Variants in SLC25A21 observed in about 807,000 individuals in gnomAD.
The protein encoded by SLC25A21 is solute carrier family 25 member 21.
A neutral mutation model predicts 43.8 loss-of-function variants in SLC25A21; 47 were observed. The ratio of observed to expected loss-of-function variants is 1.07; its 90% confidence interval spans 0.85 to 1.37. The LOEUF is 1.37. Among genes scored for constraint, SLC25A21 ranks in the 40% most tolerant of loss-of-function variants. The probability of loss-of-function intolerance (pLI) is 0.00; values close to 1 mark genes in which losing one functional copy is unlikely to be tolerated. For synonymous variants in SLC25A21, 131 were observed against 121.3 expected (o/e 1.08, Z -0.52); for missense variants, 352 against 350.2 (o/e 1.00, Z -0.04).
intron 1 of SLC25A21, among the ~76,000 whole-genome samples, chr14:37,075,765 T>C (rs530598700): frequency 1.3e-5 from 2 of 152,356 alleles, no homozygotes; most frequent in South Asian, 2.1e-4. Context: ...TTGAGTCATA[T>C]GTGACCCAGC....
rs181206242 is a variant in SLC25A21, at chr14:37,144,759, T to C, written c.70+27522A>G. Among the ~76,000 whole-genome samples, 694 of 149,110 alleles carry C rather than the reference T, an allele frequency of 4.7e-3. 2 individuals are homozygous for C. The highest frequency in any genetic ancestry group is 0.01 in the Middle Eastern group (3 of 294). On this transcript the variant is annotated intron_variant, in intron 1 of 9. Coordinates refer to ENST00000331299, the MANE Select transcript of SLC25A21 (RefSeq NM_030631.4). ...TATATGCATGTATTCATAAGATGTG[T>C]CACTCATATGTGAAGTTGTTTTGGG...
rs148559878 is a variant in SLC25A21, at chr14:37,044,799, T to C, written c.70+127482A>G. On this transcript the variant is annotated intron_variant, in intron 1 of 9. Coordinates refer to ENST00000331299, the MANE Select transcript of SLC25A21 (RefSeq NM_030631.4). ...TGTCTTGACTTAAATTAAGAAGTGA[T>C]CTCCAACTTTTTTGGTTTCTAAATT... Among the ~76,000 whole-genome samples, 51 of 152,322 alleles carry C rather than the reference T, an allele frequency of 3.3e-4. No individual in the cohort carries two copies. The East Asian group carries it at 9.3e-3, about 28-fold the overall frequency.
chr14:37,062,506 C>T (rs988802596), intron 1 of SLC25A21, among the ~76,000 whole-genome samples: 21 of 152,096 alleles, frequency 1.4e-4, no homozygotes, highest in Admixed American at 6.6e-4. Context: ...CTCCTAGAAA[C>T]CTCTGAAATT....
At chr14:37,129,331 T>C (rs1317847071) in intron 1 of SLC25A21, among the ~76,000 whole-genome samples, 3 of 152,180 alleles carry the variant, frequency 2.0e-5, no homozygotes, top group Non-Finnish European at 2.9e-5. Flanking sequence ...AGCATCTAGT[T>C]TGGAGACGAT....
intron 3 of SLC25A21, among the ~76,000 whole-genome samples, chr14:36,790,987 T>C (rs1034002374): frequency 2.0e-5 from 3 of 152,030 alleles, no homozygotes; most frequent in Non-Finnish European, 4.4e-5. Context: ...AATATCTTTC[T>C]TTTTTTATTG....
chr14:36,703,969 A>T (rs1304898232), intron 7 of SLC25A21, among the ~76,000 whole-genome samples: 1 of 152,210 alleles, frequency 6.6e-6, no homozygotes, highest in East Asian at 1.9e-4. Flanking sequence ...ATAATTCTTT[A>T]TCCTGACACT....
chr14:37,154,175 G>T (rs1963806756), intron 1 of SLC25A21, among the ~76,000 whole-genome samples: 1 of 152,158 alleles, frequency 6.6e-6, no homozygotes, highest in Non-Finnish European at 1.5e-5. Context: ...CCTGGAAACT[G>T]GCCCACCTGG....
intron 1 of SLC25A21, among the ~76,000 whole-genome samples, chr14:37,062,927 C>G (rs548024507): frequency 1.0e-3 from 158 of 152,078 alleles, no homozygotes; most frequent in Non-Finnish European, 1.6e-3. Flanking sequence ...TACCCAAGAC[C>G]GGGTAATTTA....
chr14:36,980,678 C>A (rs1326226797), intron 1 of SLC25A21, among the ~76,000 whole-genome samples: 1 of 152,214 alleles, frequency 6.6e-6, no homozygotes, highest in African/African-American at 2.4e-5. Context: ...CATTCTCTGT[C>A]CAGCTTTGTT....
At chr14:36,794,690 A>C (rs1218868793) in intron 3 of SLC25A21, among the ~76,000 whole-genome samples, 1 of 151,910 alleles carries the variant, frequency 6.6e-6, no homozygotes, top group Non-Finnish European at 1.5e-5. Context: ...AATCGCTTGA[A>C]TCTGGGAGGC....
At chr14:36,717,394 T>C (rs1884186745) in intron 6 of SLC25A21, among the ~76,000 whole-genome samples, 1 of 152,238 alleles carries the variant, frequency 6.6e-6, no homozygotes, top group Non-Finnish European at 1.5e-5. Flanking sequence ...CCAGAGTGTA[T>C]GTTGTATGAA....
intron 2 of SLC25A21, among the ~76,000 whole-genome samples, chr14:36,830,082 A>G (rs1406371547): frequency 6.6e-6 from 1 of 152,230 alleles, no homozygotes; most frequent in Non-Finnish European, 1.5e-5. Context: ...TGTAAAAACA[A>G]TAAGAGAGAA....
At chr14:36,779,389 A>G (rs1423298186) in intron 3 of SLC25A21, among the ~76,000 whole-genome samples, 2 of 145,498 alleles carry the variant, frequency 1.4e-5, no homozygotes, top group African/African-American at 5.0e-5. Flanking sequence ...ACACACACAT[A>G]TATGTAAGAA....
intron 1 of SLC25A21, among the ~76,000 whole-genome samples, chr14:37,026,700 C>G (rs1444149675): frequency 6.6e-6 from 1 of 152,116 alleles, no homozygotes; most frequent in Non-Finnish European, 1.5e-5. Flanking sequence ...TGTATTGTGA[C>G]AGTCTAAAAA....
At chr14:36,754,033 G>A (rs1289494478) in intron 3 of SLC25A21, among the ~76,000 whole-genome samples, 5 of 151,780 alleles carry the variant, frequency 3.3e-5, no homozygotes, top group Non-Finnish European at 7.4e-5. Context: ...CCATTTTTTG[G>A]AAACTTTTAC....
intron 1 of SLC25A21, among the ~76,000 whole-genome samples, chr14:36,958,916 G>T (rs895952575): frequency 2.6e-5 from 4 of 152,182 alleles, no homozygotes; most frequent in African/African-American, 7.2e-5. Flanking sequence ...ATTTCTGCAG[G>T]CCTGTTTGTT....
At chr14:37,061,078 T>C (rs1000739303) in intron 1 of SLC25A21, among the ~76,000 whole-genome samples, 3 of 152,212 alleles carry the variant, frequency 2.0e-5, no homozygotes, top group Non-Finnish European at 4.4e-5. Context: ...CTCTGATCCC[T>C]GCTGGAGCAA....
At chr14:36,985,356 G>GCAACAGGAA (rs1960123611) in intron 1 of SLC25A21, among the ~76,000 whole-genome samples, 2 of 151,564 alleles carry the variant, frequency 1.3e-5, no homozygotes, top group African/African-American at 4.8e-5. Flanking sequence ...AAAACTTAAA[G>GCAACAGGAA]TATAATTTAA....
chr14:37,091,360 A>T (rs1486193167), intron 1 of SLC25A21, among the ~76,000 whole-genome samples: 1 of 151,800 alleles, frequency 6.6e-6, no homozygotes, highest in Non-Finnish European at 1.5e-5. Context: ...CTTGAACCTG[A>T]GAGGCAAAGC....
Sources: gnomAD v4.1 joint callset for allele counts (sites outside exome capture counted in the v4.1 genomes callset) on GRCh38, gnomAD v4.1.1 for gene constraint, MANE v1.5 for transcripts, NCBI Gene and HGNC (gene_info 2026-07-23, HGNC 2026-07-21) for gene names.